Variants in SLC39A10 observed in about 807,000 individuals in gnomAD.
The protein encoded by SLC39A10 is zinc transporter ZIP10.
Under a neutral mutation model 65.1 loss-of-function variants are expected in SLC39A10, and 13 were observed. The observed-to-expected ratio is 0.20, with a 90% CI of 0.13 to 0.32. The LOEUF is 0.32. Among genes scored for constraint, SLC39A10 ranks in the 10% least tolerant of loss-of-function variants. The pLI, the probability that SLC39A10 is intolerant of heterozygous loss-of-function variation, is 1.00. For synonymous variants in SLC39A10, 321 were observed against 342.2 expected (o/e 0.94, Z 0.68); for missense variants, 831 against 1,018.4 (o/e 0.82, Z 2.50).
intron 2 of SLC39A10, among the ~76,000 whole-genome samples, chr2:195,633,703 C>G (rs1371098335): frequency 7.1e-6 from 1 of 141,018 alleles, no homozygotes; most frequent in African/African-American, 2.7e-5. Context: ...TATTCTTCCC[C>G]TGAAGTCCGG....
intron 1 of SLC39A10, among the ~76,000 whole-genome samples, chr2:195,671,877 G>A (rs1293954384): frequency 6.6e-6 from 1 of 151,976 alleles, no homozygotes; most frequent in Non-Finnish European, 1.5e-5. Context: ...CTCTTTCCCT[G>A]TTGGCTGGAA....
intron 5 of SLC39A10, among the ~76,000 whole-genome samples, chr2:195,712,978 A>T (rs1017853036): frequency 1.3e-5 from 2 of 152,168 alleles, no homozygotes; most frequent in African/African-American, 4.8e-5. Context: ...TAAGTGTCAG[A>T]TGGAAACTAC....
intron 1 of SLC39A10, among the ~76,000 whole-genome samples, chr2:195,677,178 A>G (rs533005894): frequency 1.2e-4 from 19 of 152,286 alleles, no homozygotes; most frequent in Non-Finnish European, 2.4e-4. Context: ...ACTACTACTG[A>G]TATCAGGAAA....
At position 195,657,249 on chromosome 2, in the gene SLC39A10, G is replaced by A. The variant is rs1408105299; in HGVS notation, c.-44G>A. 2 of 305,558 alleles carry A rather than the reference G, an allele frequency of 6.5e-6. No homozygotes were observed. The highest frequency in any genetic ancestry group is 2.3e-5 in the African/African-American group (1 of 44,292). 18.9% of individuals were successfully genotyped at this position (305,558 alleles called of 1,614,324 possible). ...GTGCAGCCGGGGTTTGGTACCGAGC[G>A]GAGAGGAGATGCACACGGCACTCGA... On this transcript the variant is annotated 5_prime_UTR_variant, in exon 1 of 10. Transcript: ENST00000359634.
intron 3 of SLC39A10, among the ~76,000 whole-genome samples, chr2:195,699,391 G>T (rs1691093774): frequency 1.3e-5 from 1 of 75,622 alleles, no homozygotes; most frequent in East Asian, 3.4e-4. Flanking sequence ...TTTGGTTTGA[G>T]ATCTTACTTG....
chr2:195,624,563 T>C (rs1251232687), intron 2 of SLC39A10, among the ~76,000 whole-genome samples: 1 of 149,730 alleles, frequency 6.7e-6, no homozygotes, highest in Non-Finnish European at 1.5e-5. Context: ...AGGGAGGGGG[T>C]GCACATTTTA....
intron 7 of SLC39A10, 72 bp from the exon 8 acceptor site, chr2:195,718,180 A>T: frequency 8.1e-7 from 1 of 1,228,816 alleles, no homozygotes; most frequent in Non-Finnish European, 1.2e-6. Context: ...AAGAAACTGC[A>T]TCTGTCATTA....
At chr2:195,698,230 G>A (rs1321566325) in intron 3 of SLC39A10, among the ~76,000 whole-genome samples, 6 of 151,896 alleles carry the variant, frequency 4.0e-5, no homozygotes, top group Non-Finnish European at 8.8e-5. Context: ...GTGCTTGTGT[G>A]GAATCTTTAT....
At chr2:195,718,385 A>C (rs1206181916) in intron 8 of SLC39A10, 53 bp downstream of exon 8, 13 of 1,325,078 alleles carry the variant, frequency 9.8e-6, no homozygotes, top group Middle Eastern at 2.1e-4. Flanking sequence ...AGACTTCCTT[A>C]ATTGTAATTG....
In SLC39A10 at chr2:195,708,778, A is replaced by G; in HGVS notation, c.1509A>G (p.Gly503=). Residue 503 remains glycine, a synonymous_variant, in exon 5 of 10, where the codon GGA becomes GGG. Transcript: ENST00000359634. The stretch of plus-strand genomic sequence containing the variant: ...TATTGAAAGGACTTGTTGCTCTAGG[A>G]GGCATTTACTTGCTATTTATCATTG... ...DAVLKGLVAL[G]GIYLLFIIEH... The G allele has an allele frequency of 6.2e-7, 1 of 1,613,252 alleles. No homozygotes were observed. The highest frequency in any genetic ancestry group is 8.5e-7 in the Non-Finnish European group (1 of 1,179,632).
At chr2:195,704,879 C>T (rs958698000) in intron 3 of SLC39A10, among the ~76,000 whole-genome samples, 2 of 152,072 alleles carry the variant, frequency 1.3e-5, no homozygotes. Flanking sequence ...CTCACTGGAA[C>T]CTCCGCTGCC....
At chr2:195,674,198 TACCA>T (rs1689986631) in intron 1 of SLC39A10, among the ~76,000 whole-genome samples, 1 of 152,186 alleles carries the variant, frequency 6.6e-6, no homozygotes, top group Admixed American at 6.5e-5. Context: ...TAAATAAATA[TACCA>T]TATTTATTTA....
chr2:195,673,121 A>G (rs1292618558), intron 1 of SLC39A10, among the ~76,000 whole-genome samples: 3 of 152,234 alleles, frequency 2.0e-5, no homozygotes, highest in Non-Finnish European at 4.4e-5. Context: ...TATATGCCAT[A>G]TATGATAATT....
intron 1 of SLC39A10, among the ~76,000 whole-genome samples, chr2:195,677,290 C>T (rs1690126806): frequency 6.6e-6 from 1 of 151,566 alleles, no homozygotes; most frequent in South Asian, 2.1e-4. Context: ...GTAGCTCACA[C>T]CTGCAATCTT....
chr2:195,731,507 G>T (rs1445506648), intron 9 of SLC39A10, among the ~76,000 whole-genome samples: 1 of 152,092 alleles, frequency 6.6e-6, no homozygotes, highest in African/African-American at 2.4e-5. Flanking sequence ...GGGAGGACAG[G>T]CATTTTTGTC....
At chr2:195,649,989 A>C (rs979536584) in intron 2 of SLC39A10, among the ~76,000 whole-genome samples, 5 of 152,224 alleles carry the variant, frequency 3.3e-5, no homozygotes, top group African/African-American at 1.2e-4. Flanking sequence ...GAAAAAACCT[A>C]AGGAAAATAT....
At chr2:195,667,054 A>G (rs1689662316) in intron 1 of SLC39A10, among the ~76,000 whole-genome samples, 1 of 152,222 alleles carries the variant, frequency 6.6e-6, no homozygotes, top group Admixed American at 6.5e-5. Context: ...TGTGTTGTTG[A>G]TTGATTTGAT....
At chr2:195,681,354 G>A (rs1052752698) in intron 2 of SLC39A10, among the ~76,000 whole-genome samples, 2 of 151,920 alleles carry the variant, frequency 1.3e-5, no homozygotes, top group South Asian at 2.1e-4. Context: ...GTGAAACCCC[G>A]TCTCTACTAA....
At chr2:195,624,554 G>T (rs998995487) in intron 2 of SLC39A10, among the ~76,000 whole-genome samples, 1 of 152,020 alleles carries the variant, frequency 6.6e-6, no homozygotes, top group African/African-American at 2.4e-5. Flanking sequence ...CTCAGAAGGA[G>T]GGAGGGGGTG....
Sources: allele counts gnomAD v4.1 joint callset (sites outside exome capture counted in the v4.1 genomes callset), GRCh38; gene constraint gnomAD v4.1.1; transcripts MANE v1.5; gene names NCBI Gene and HGNC (gene_info 2026-07-23, HGNC 2026-07-21).